Variants in NXPE2 observed in about 807,000 individuals in gnomAD.
NXPE2 encodes NXPE family member 2.
In NXPE2, 34 loss-of-function variants were observed where a neutral mutation model predicts 34.4. The ratio of observed to expected loss-of-function variants is 0.99; its 90% confidence interval spans 0.75 to 1.31. The LOEUF is 1.31. Among genes scored for constraint, NXPE2 ranks in the 40% most tolerant of loss-of-function variants. The pLI is 0.00. For missense variants in NXPE2, 649 were observed against 672.5 expected, an observed-to-expected ratio of 0.97 and a Z score of 0.39; for synonymous variants, 235 against 231.3, an observed-to-expected ratio of 1.02 and a Z score of -0.15.
At chr11:114,561,793 G>A in the NXPE2 span, among the ~76,000 whole-genome samples, 1 of 151,894 alleles carries the variant, frequency 6.6e-6, no homozygotes, top group African/African-American at 2.4e-5. Flanking sequence ...CGCTTTTAAT[G>A]GCCCATTAGA....
the NXPE2 span, among the ~76,000 whole-genome samples, chr11:114,798,975 C>T: frequency 9.4e-4 from 143 of 152,296 alleles, no homozygotes; most frequent in African/African-American, 3.4e-3. Context: ...GGCGTGGACT[C>T]CTTGCCGCTC....
the NXPE2 span, among the ~76,000 whole-genome samples, chr11:114,535,125 T>C: frequency 6.6e-6 from 1 of 152,160 alleles, no homozygotes; most frequent in Non-Finnish European, 1.5e-5. Context: ...GGGACCAATA[T>C]TCAAAATTCT....
chr11:114,808,593 G>A, the NXPE2 span, among the ~76,000 whole-genome samples: 1 of 103,872 alleles, frequency 9.6e-6, no homozygotes, highest in Non-Finnish European at 2.0e-5. Context: ...AGAAAATCTA[G>A]AAGAAATGGA....
the NXPE2 span, among the ~76,000 whole-genome samples, chr11:114,629,603 A>G: frequency 1.3e-5 from 2 of 152,130 alleles, no homozygotes; most frequent in Non-Finnish European, 1.5e-5. Context: ...CCCTTTGAAA[A>G]CTGGCACAAG....
At chr11:114,519,397 G>T in the NXPE2 span, among the ~76,000 whole-genome samples, 1 of 152,114 alleles carries the variant, frequency 6.6e-6, no homozygotes, top group Non-Finnish European at 1.5e-5. Context: ...TAAAGAGATG[G>T]TAAATGTTTT....
At chr11:114,665,260 C>A in the NXPE2 span, among the ~76,000 whole-genome samples, 588 of 152,156 alleles carry the variant, frequency 3.9e-3, 4 homozygotes, top group Non-Finnish European at 6.6e-3. Context: ...TTCTCTCAAC[C>A]AGCTTTAAGT....
chr11:114,692,550 G>A (rs1951172736), intron 2 of NXPE2, among the ~76,000 whole-genome samples: 1 of 152,174 alleles, frequency 6.6e-6, no homozygotes. Flanking sequence ...TGTCAGACAT[G>A]AGGCCCAAAT....
chr11:114,806,248 A>C, the NXPE2 span, among the ~76,000 whole-genome samples: 3 of 152,188 alleles, frequency 2.0e-5, no homozygotes, highest in Non-Finnish European at 4.4e-5. Context: ...ATGGGAAAAA[A>C]ACAGAGCAGA....
the NXPE2 span, among the ~76,000 whole-genome samples, chr11:114,550,445 C>T: frequency 6.6e-6 from 1 of 151,896 alleles, no homozygotes; most frequent in Non-Finnish European, 1.5e-5. Context: ...TAGTATGCTA[C>T]GGAGGCCGCA....
At chr11:114,714,659 G>T in the NXPE2 span, among the ~76,000 whole-genome samples, 1 of 152,204 alleles carries the variant, frequency 6.6e-6, no homozygotes, top group Non-Finnish European at 1.5e-5. Context: ...GCAGCTGAAA[G>T]GTTGTATGAT....
the NXPE2 span, among the ~76,000 whole-genome samples, chr11:114,594,986 T>C: frequency 6.6e-6 from 1 of 152,118 alleles, no homozygotes; most frequent in Non-Finnish European, 1.5e-5. Flanking sequence ...GAACAGATAA[T>C]TCATGGAGCC....
chr11:114,487,691 T>G, the NXPE2 span, among the ~76,000 whole-genome samples: 7 of 152,170 alleles, frequency 4.6e-5, no homozygotes, highest in Non-Finnish European at 1.5e-5. Flanking sequence ...GTCTGTTCCT[T>G]CTATACCCAG....
the NXPE2 span, chr11:114,530,211 G>A: frequency 6.2e-7 from 1 of 1,612,448 alleles, no homozygotes; most frequent in Non-Finnish European, 8.5e-7. Context: ...TGTAAGATAA[G>A]ATACCTCTCT....
At chr11:114,654,550 C>T in the NXPE2 span, among the ~76,000 whole-genome samples, 3 of 152,114 alleles carry the variant, frequency 2.0e-5, no homozygotes, top group Non-Finnish European at 4.4e-5. Context: ...TCAACTCCCA[C>T]TTATGAGTGA....
At chr11:114,691,257 TTTTC>T (rs1276816359) in intron 2 of NXPE2, among the ~76,000 whole-genome samples, 3 of 152,144 alleles carry the variant, frequency 2.0e-5, no homozygotes, top group Non-Finnish European at 2.9e-5. Flanking sequence ...ATTCTTGATT[TTTTC>T]TTTCTTTTTT....
chr11:114,719,826 G>A, the NXPE2 span, among the ~76,000 whole-genome samples: 1 of 152,106 alleles, frequency 6.6e-6, no homozygotes, highest in African/African-American at 2.4e-5. Context: ...TAGTGTACAG[G>A]GCCCCTGAAG....
the NXPE2 span, among the ~76,000 whole-genome samples, chr11:114,631,287 T>C: frequency 3.3e-5 from 5 of 151,790 alleles, no homozygotes; most frequent in Non-Finnish European, 7.4e-5. Flanking sequence ...TGTCCAACAA[T>C]GATAGACTGG....
the NXPE2 span, among the ~76,000 whole-genome samples, chr11:114,624,592 G>A: frequency 6.6e-6 from 1 of 151,756 alleles, no homozygotes; most frequent in South Asian, 2.1e-4. Flanking sequence ...GTTAACTGGT[G>A]GATTATAAGT....
At chr11:114,507,271 T>G in the NXPE2 span, among the ~76,000 whole-genome samples, 1 of 136,210 alleles carries the variant, frequency 7.3e-6, no homozygotes, top group Non-Finnish European at 1.6e-5. Context: ...AAAAAGCAGC[T>G]CAGGAGCAGA....
Sources: allele counts gnomAD v4.1 joint callset (sites outside exome capture counted in the v4.1 genomes callset), GRCh38; gene constraint gnomAD v4.1.1; transcripts MANE v1.5; gene names NCBI Gene and HGNC (gene_info 2026-07-23, HGNC 2026-07-21).